Variants in RYR3 observed in about 807,000 individuals in gnomAD.
RYR3 encodes ryanodine receptor 3, also known as brain ryanodine receptor-calcium release channel.
In RYR3, 207 loss-of-function variants were observed where a neutral mutation model predicts 584.3. The ratio of observed to expected loss-of-function variants is 0.35; its 90% CI spans 0.32 to 0.40. RYR3 has a LOEUF of 0.40. Ranked by LOEUF, RYR3 falls within the 10% of genes least tolerant of loss-of-function variation. The pLI, the probability that RYR3 is intolerant of heterozygous loss-of-function variation, is 1.00. For synonymous variants in RYR3, 2,416 were observed against 2,248.5 expected (o/e 1.07, Z -2.11); for missense variants, 5,616 against 6,089.2 (o/e 0.92, Z 2.59).
intron 1 of RYR3, among the ~76,000 whole-genome samples, chr15:33,348,262 C>T (rs935894202): frequency 7.9e-5 from 12 of 152,140 alleles, no homozygotes; most frequent in African/African-American, 2.9e-4. Context: ...CCCATAACCC[C>T]TGTGGGAAAC....
intron 1 of RYR3, among the ~76,000 whole-genome samples, chr15:33,395,329 G>A (rs933558787): frequency 6.6e-6 from 1 of 152,188 alleles, no homozygotes; most frequent in African/African-American, 2.4e-5. Context: ...GATGCTTTAT[G>A]TTTTATTCTT....
At chr15:33,331,650 GA>G (rs998931910) in intron 1 of RYR3, among the ~76,000 whole-genome samples, 3 of 150,384 alleles carry the variant, frequency 2.0e-5, no homozygotes, top group Non-Finnish European at 3.0e-5. Context: ...ACATTTTTCA[GA>G]AAAAAAACAA....
At chr15:33,546,651 A>G (rs1180655253) in intron 8 of RYR3, among the ~76,000 whole-genome samples, 1 of 152,198 alleles carries the variant, frequency 6.6e-6, no homozygotes, top group Non-Finnish European at 1.5e-5. Flanking sequence ...TTTTCACAAC[A>G]TTGTTTTATA....
intron 10 of RYR3, among the ~76,000 whole-genome samples, chr15:33,562,451 T>C (rs2057460797): frequency 2.0e-5 from 3 of 152,226 alleles, no homozygotes; most frequent in Non-Finnish European, 4.4e-5. Flanking sequence ...ATTACAATTA[T>C]GGAAGATGTC....
At position 33,531,330 on chromosome 15, in the gene RYR3, T is replaced by TA. The variant is rs971649210; in HGVS notation, c.354+671dup. Among the ~76,000 whole-genome samples the TA allele has an allele frequency of 2.6e-4, 39 of 151,944 alleles. 1 individual carries two copies. The highest frequency in any genetic ancestry group is 4.8e-5 in the African/African-American group (2 of 41,412). Reference sequence around the variant, plus strand: ...TTAAATATAATTTATTTATAATTTATAAAAAAATATAATTTTACAATATTT... The same window carrying TA: ...TTAAATATAATTTATTTATAATTTATAAAAAAAATATAATTTTACAATATTT... On this transcript the variant is annotated intron_variant, in intron 4 of 103. Transcript: ENST00000634891.
intron 16 of RYR3, among the ~76,000 whole-genome samples, chr15:33,587,529 C>T (rs1380847359): frequency 6.6e-6 from 1 of 152,184 alleles, no homozygotes; most frequent in Admixed American, 6.5e-5. Context: ...ACCCATTCCA[C>T]AGTTGAGAAA....
intron 97 of RYR3, 44 bp downstream of exon 97, chr15:33,854,493 A>G (rs369682517): frequency 6.8e-7 from 1 of 1,480,534 alleles, no homozygotes; most frequent in Admixed American, 2.4e-5. Context: ...ACCCCAGTTC[A>G]GGGATGCCAC....
intron 20 of RYR3, among the ~76,000 whole-genome samples, chr15:33,627,690 A>G (rs1379683446): frequency 6.6e-6 from 1 of 152,260 alleles, no homozygotes; most frequent in African/African-American, 2.4e-5. Context: ...CTTAGTGTCA[A>G]GGAACACTTG....
At chr15:33,410,851 G>A (rs1374313556) in intron 1 of RYR3, among the ~76,000 whole-genome samples, 2 of 152,188 alleles carry the variant, frequency 1.3e-5, no homozygotes, top group Non-Finnish European at 2.9e-5. Flanking sequence ...CACATGGCTG[G>A]GGAGGCCTCA....
intron 70 of RYR3, 104 bp downstream of exon 70, chr15:33,807,673 T>C: frequency 1.6e-6 from 2 of 1,217,016 alleles, no homozygotes; most frequent in Non-Finnish European, 2.4e-6. Context: ...AGAGAATGGA[T>C]TTTCCCGCCT....
intron 36 of RYR3, among the ~76,000 whole-genome samples, chr15:33,665,982 A>C (rs1366816023): frequency 1.3e-5 from 2 of 152,164 alleles, no homozygotes; most frequent in Non-Finnish European, 2.9e-5. Flanking sequence ...GGGCTTAATA[A>C]AACACAGATT....
chr15:33,399,206 T>G (rs1595972668), intron 1 of RYR3, among the ~76,000 whole-genome samples: 1 of 152,226 alleles, frequency 6.6e-6, no homozygotes, highest in African/African-American at 2.4e-5. Flanking sequence ...TAAACCATTG[T>G]AAGACTCATA....
At chr15:33,321,255 T>A (rs1968921480) in intron 1 of RYR3, among the ~76,000 whole-genome samples, 1 of 152,178 alleles carries the variant, frequency 6.6e-6, no homozygotes, top group African/African-American at 2.4e-5. Context: ...TAACACAAGG[T>A]CATCCTGCTG....
intron 94 of RYR3, 81 bp from the exon 95 acceptor site, chr15:33,852,964 G>C: frequency 4.2e-6 from 5 of 1,181,288 alleles, no homozygotes; most frequent in Non-Finnish European, 6.2e-6. Context: ...CCAGATCCAG[G>C]CACTCAAACT....
At chr15:33,450,393 C>T (rs1411418106) in intron 1 of RYR3, among the ~76,000 whole-genome samples, 1 of 152,166 alleles carries the variant, frequency 6.6e-6, no homozygotes, top group Non-Finnish European at 1.5e-5. Context: ...CACCAAGCCC[C>T]AGGCTGTACA....
rs562547539 is a variant in RYR3, at chr15:33,503,842, T to C, written c.279+104T>C. 3 of 697,732 alleles carry C rather than the reference T, an allele frequency of 4.3e-6. No individual in the cohort carries two copies. In the South Asian group the frequency reaches 5.2e-5, roughly 12 times the overall value. The allele number at this position is 697,732 out of a possible 1,614,324, so 43.2% of individuals were successfully genotyped here. A position where few individuals can be genotyped will look rare whatever the true frequency, so the allele number is the denominator to read the frequency against. Reference sequence around the variant, plus strand: ...TTGAACTGAAAAATTTTAAGACTGTTGAGATGATTCATATGGAGATAGTAA... The same window carrying C: ...TTGAACTGAAAAATTTTAAGACTGTCGAGATGATTCATATGGAGATAGTAA... On this transcript the variant is annotated intron_variant, in intron 3 of 103. Coordinates refer to ENST00000634891, the MANE Select transcript of RYR3 (RefSeq NM_001036.6).
chr15:33,764,545 C>T (rs1379147485), intron 60 of RYR3, among the ~76,000 whole-genome samples: 1 of 150,900 alleles, frequency 6.6e-6, no homozygotes, highest in East Asian at 1.9e-4. Flanking sequence ...ACTGCACGTT[C>T]TGCACATGTG....
At chr15:33,735,789 G>A (rs2069404741) in intron 48 of RYR3, among the ~76,000 whole-genome samples, 2 of 152,162 alleles carry the variant, frequency 1.3e-5, no homozygotes, top group African/African-American at 2.4e-5. Context: ...CAGATCATAA[G>A]GCGGAGGGCT....
intron 67 of RYR3, among the ~76,000 whole-genome samples, chr15:33,797,371 G>A (rs1206285877): frequency 6.6e-6 from 1 of 152,052 alleles, no homozygotes; most frequent in African/African-American, 2.4e-5. Flanking sequence ...AGGAGACTGG[G>A]AGCAAGCAGG....
Sources: allele counts gnomAD v4.1 joint callset (sites outside exome capture counted in the v4.1 genomes callset), GRCh38; gene constraint gnomAD v4.1.1; transcripts MANE v1.5; gene names NCBI Gene and HGNC (gene_info 2026-07-23, HGNC 2026-07-21).